The following DPY19L3 variants were observed in gnomAD, a reference collection of about 807,000 sequenced individuals.
The protein encoded by DPY19L3 is protein C-mannosyl-transferase DPY19L3.
A neutral mutation model predicts 92.3 loss-of-function variants in DPY19L3; 51 were observed. The observed-to-expected ratio is 0.55, with a 90% confidence interval of 0.44 to 0.70. The LOEUF is 0.70. Ranked by LOEUF, DPY19L3 falls within the 30% of genes least tolerant of loss-of-function variation. DPY19L3 has a pLI of 0.00. For synonymous variants in DPY19L3, 309 were observed against 315.2 expected (o/e 0.98, Z 0.21); for missense variants, 706 against 855.9 (o/e 0.82, Z 2.18).
intron 16 of DPY19L3, among the ~76,000 whole-genome samples, chr19:32,474,022 C>T (rs1038166037): frequency 6.6e-6 from 1 of 152,034 alleles, no homozygotes; most frequent in East Asian, 1.9e-4. Flanking sequence ...AGGCTGGTCT[C>T]GAACTCCTGA....
At chr19:32,452,952 C>T (rs1224493610) in intron 8 of DPY19L3, among the ~76,000 whole-genome samples, 193 bp from the exon 9 acceptor site, 1 of 151,950 alleles carries the variant, frequency 6.6e-6, no homozygotes. Flanking sequence ...GTGATCCCAC[C>T]CGCCTCGGCC....
chr19:32,433,667 C>T (rs1278184406), intron 4 of DPY19L3, among the ~76,000 whole-genome samples: 1 of 152,228 alleles, frequency 6.6e-6, no homozygotes, highest in East Asian at 1.9e-4. Flanking sequence ...AAGTGATCCT[C>T]CTGCCTCAGC....
chr19:32,460,239 G>GA (rs949811248), intron 12 of DPY19L3, among the ~76,000 whole-genome samples: 32 of 147,456 alleles, frequency 2.2e-4, no homozygotes, highest in African/African-American at 5.7e-4. Flanking sequence ...CATCTCTACG[G>GA]AAAAAAAAAA....
Position 32,483,117 on chromosome 19 carries a change from A to G in DPY19L3, c.*877A>G, listed in dbSNP as rs907384904. ...AATTTTGTAAACTTTTTGTGTTTTTAGCCTTTGTATTTTTTACAGCCTAGA... is the reference window on the plus strand; with the variant it reads ...AATTTTGTAAACTTTTTGTGTTTTTGGCCTTTGTATTTTTTACAGCCTAGA... On this transcript the variant is annotated 3_prime_UTR_variant, in exon 19 of 19. Coordinates refer to ENST00000392250, the MANE Select transcript of DPY19L3 (RefSeq NM_001172774.2). 4 of 152,094 alleles carry G rather than the reference A, an allele frequency of 2.6e-5. No homozygotes were observed. Among genetic ancestry groups the G allele is most frequent in the African/African-American group, 9.7e-5 (4 of 41,412 alleles). The allele number at this position is 152,094 out of a possible 1,614,324, so 9.4% of individuals were successfully genotyped here.
At chr19:32,467,762 TAG>T in intron 15 of DPY19L3, 1 of 983,524 alleles carries the variant, frequency 1.0e-6, no homozygotes, top group African/African-American at 1.7e-5. Context: ...AGAATGTATA[TAG>T]ATATGATCAA....
intron 3 of DPY19L3, among the ~76,000 whole-genome samples, chr19:32,413,343 A>C (rs1968258816): frequency 1.3e-5 from 2 of 152,234 alleles, no homozygotes; most frequent in South Asian, 4.1e-4. Context: ...ATTTATAAGA[A>C]TGACCTCTAG....
chr19:32,459,406 G>C (rs950815381), intron 12 of DPY19L3, among the ~76,000 whole-genome samples: 1 of 152,192 alleles, frequency 6.6e-6, no homozygotes, highest in Admixed American at 6.5e-5. Flanking sequence ...TCACAGCCAC[G>C]AGAGAGCTGT....
chr19:32,408,044 C>T (rs975660056), intron 1 of DPY19L3, among the ~76,000 whole-genome samples, 173 bp from the exon 2 acceptor site: 2 of 151,736 alleles, frequency 1.3e-5, no homozygotes, highest in Non-Finnish European at 2.9e-5. Flanking sequence ...GTGATGGTGC[C>T]GCTGCACTCC....
intron 16 of DPY19L3, among the ~76,000 whole-genome samples, chr19:32,475,944 T>C (rs1970495323): frequency 6.6e-6 from 1 of 152,236 alleles, no homozygotes; most frequent in Admixed American, 6.5e-5. Flanking sequence ...ATATTATGTG[T>C]CATTATGTAT....
At chr19:32,480,956 G>C in intron 18 of DPY19L3, 1 of 414,640 alleles carries the variant, frequency 2.4e-6, no homozygotes, top group Non-Finnish European at 4.2e-6. Context: ...GGGCCCTCCT[G>C]CCCTCCGGTC....
intron 16 of DPY19L3, among the ~76,000 whole-genome samples, chr19:32,472,633 G>A (rs1970392918): frequency 6.6e-6 from 1 of 151,908 alleles, no homozygotes; most frequent in South Asian, 2.1e-4. Flanking sequence ...ACCTCAGCAA[G>A]GCTGAATGCA....
chr19:32,414,622 G>T (rs569284076), intron 3 of DPY19L3, among the ~76,000 whole-genome samples: 1 of 151,660 alleles, frequency 6.6e-6, no homozygotes, highest in East Asian at 1.9e-4. Context: ...CTTGTAAAGC[G>T]ATTCCCTAGA....
chr19:32,436,878 A>G (rs1414253135), intron 5 of DPY19L3, among the ~76,000 whole-genome samples: 1 of 152,146 alleles, frequency 6.6e-6, no homozygotes, highest in Non-Finnish European at 1.5e-5. Context: ...TCTTTGAGAG[A>G]AAAAATTTGT....
intron 3 of DPY19L3, among the ~76,000 whole-genome samples, chr19:32,427,247 G>A (rs1053046565): frequency 2.6e-5 from 4 of 152,080 alleles, no homozygotes; most frequent in South Asian, 2.1e-4. Flanking sequence ...CACCTACCTC[G>A]GCCTTCTAAA....
In DPY19L3 at chr19:32,480,458, C is replaced by T. The variant is rs138862914; in HGVS notation, c.1890C>T (p.Phe630=). The T allele has an allele frequency of 1.3e-4, 207 of 1,614,162 alleles. No individual in the cohort carries two copies. The South Asian group carries it at 1.4e-3, about 11-fold the overall frequency. Residue 630 remains phenylalanine, a synonymous_variant, in exon 18 of 19, where the codon TTC becomes TTT. Transcript: ENST00000392250. ...AAGTGCATGCCCTCCTAAGGTCCTT[C>T]GGCACTGACTACGTAATCCTGGAAG... ...PEEVHALLRS[F]GTDYVILEDS...
At chr19:32,459,978 C>G (rs549866651) in intron 12 of DPY19L3, among the ~76,000 whole-genome samples, 1 of 152,250 alleles carries the variant, frequency 6.6e-6, no homozygotes, top group African/African-American at 2.4e-5. Flanking sequence ...TACTACACAC[C>G]TAGGTTATGT....
At chr19:32,467,562 A>G in intron 15 of DPY19L3, 2 of 987,656 alleles carry the variant, frequency 2.0e-6, no homozygotes, top group Non-Finnish European at 2.4e-6. Flanking sequence ...AGCAGTAAAA[A>G]TGGCCAAAGA....
chr19:32,452,797 G>A (rs1254560927), intron 8 of DPY19L3, among the ~76,000 whole-genome samples: 4 of 151,764 alleles, frequency 2.6e-5, no homozygotes, highest in East Asian at 1.9e-4. Flanking sequence ...AGGCTCAAGC[G>A]ATTCTCCTGT....
intron 1 of DPY19L3, among the ~76,000 whole-genome samples, chr19:32,407,995 G>T (rs1052718833): frequency 1.1e-4 from 17 of 152,170 alleles, no homozygotes; most frequent in African/African-American, 3.9e-4. Context: ...GGCTGAGGTG[G>T]ATCACCTGAG....
Sources: allele counts gnomAD v4.1 joint callset (sites outside exome capture counted in the v4.1 genomes callset), GRCh38; gene constraint gnomAD v4.1.1; transcripts MANE v1.5; gene names NCBI Gene and HGNC (gene_info 2026-07-23, HGNC 2026-07-21).